Variants in KYAT3 observed in about 807,000 individuals in gnomAD.
The protein encoded by KYAT3 is kynurenine aminotransferase 3.
In KYAT3, 50 loss-of-function variants were observed where a neutral mutation model predicts 59.0. That is an observed-to-expected ratio of 0.85 (90% confidence interval 0.68 to 1.07). KYAT3 has a LOEUF of 1.07. Among genes scored for constraint, KYAT3 ranks in the 50% least tolerant of loss-of-function variants. The pLI, the probability that KYAT3 is intolerant of heterozygous loss-of-function variation, is 0.00. For synonymous variants in KYAT3, 148 were observed against 177.0 expected (o/e 0.84, Z 1.30); for missense variants, 497 against 533.3 (o/e 0.93, Z 0.67).
At chr1:88,976,143 G>C (rs2101067341) in intron 2 of KYAT3, among the ~76,000 whole-genome samples, 1 of 152,222 alleles carries the variant, frequency 6.6e-6, no homozygotes, top group African/African-American at 2.4e-5. Flanking sequence ...CGGATCACAA[G>C]GTCAGGAGTT....
chr1:88,983,266 T>C (rs1677208271), intron 2 of KYAT3: 1 of 1,613,608 alleles, frequency 6.2e-7, no homozygotes, highest in Non-Finnish European at 8.5e-7. Context: ...CATAACTATC[T>C]CTTCCACGTG....
chr1:88,941,531 A>AT (rs5776007), intron 13 of KYAT3, among the ~76,000 whole-genome samples: 66,032 of 146,216 alleles, frequency 0.45, 15,385 homozygotes, highest in South Asian at 0.68. Context: ...CTAGGCTGTT[A>AT]TTTTTTTTTT....
chr1:88,941,423 AAGG>A (rs779747363), intron 13 of KYAT3, among the ~76,000 whole-genome samples: 1 of 152,248 alleles, frequency 6.6e-6, no homozygotes, highest in Non-Finnish European at 1.5e-5. Context: ...CCTTTTAAAA[AAGG>A]AGAAGTTTGA....
chr1:88,966,730 GTACAC>G lies in KYAT3; in HGVS notation c.304-1757_304-1753del, dbSNP rs200236477. On this transcript the variant is annotated intron_variant, in intron 4 of 13. Coordinates refer to ENST00000260508, the MANE Select transcript of KYAT3 (RefSeq NM_001008661.3). Reference sequence around the variant, plus strand: ...TATCTTTATATCTCACAGGACTCCAGTACACTGATGAATAACAATGGTCAGAGTGG... The same window carrying G: ...TATCTTTATATCTCACAGGACTCCAGTGATGAATAACAATGGTCAGAGTGG... Among the ~76,000 whole-genome samples the G allele has an allele frequency of 1.3e-4, 20 of 152,098 alleles. No individual in the cohort carries two copies. In the East Asian group the frequency reaches 3.9e-3, roughly 29 times the overall value.
At chr1:88,949,480 C>G (rs1262397639) in intron 10 of KYAT3, among the ~76,000 whole-genome samples, 1 of 152,146 alleles carries the variant, frequency 6.6e-6, no homozygotes, top group Non-Finnish European at 1.5e-5. Flanking sequence ...GATTAAATCT[C>G]ATGTGAAGAA....
intron 8 of KYAT3, among the ~76,000 whole-genome samples, chr1:88,958,229 A>G (rs1019472726): frequency 2.6e-5 from 4 of 152,120 alleles, no homozygotes; most frequent in Admixed American, 2.0e-4. Context: ...GCTCCTCTCC[A>G]TATTTACCCT....
At chr1:88,963,812 A>G (rs1676237399) in intron 5 of KYAT3, among the ~76,000 whole-genome samples, 1 of 152,248 alleles carries the variant, frequency 6.6e-6, no homozygotes, top group Non-Finnish European at 1.5e-5. Context: ...TTGGAATGCT[A>G]ATGGGAAATA....
intron 10 of KYAT3, among the ~76,000 whole-genome samples, chr1:88,952,107 G>A (rs1166376013): frequency 6.6e-6 from 1 of 152,278 alleles, no homozygotes; most frequent in South Asian, 2.1e-4. Flanking sequence ...CTGAAGAACC[G>A]TAGGATAATA....
At chr1:88,957,074 G>C (rs1030032731) in intron 8 of KYAT3, among the ~76,000 whole-genome samples, 13 of 152,228 alleles carry the variant, frequency 8.5e-5, no homozygotes, top group African/African-American at 3.1e-4. Context: ...TAAAATGTAA[G>C]GCAGCTACAG....
chr1:88,950,060 C>T (rs2101028133), intron 10 of KYAT3, among the ~76,000 whole-genome samples: 1 of 152,268 alleles, frequency 6.6e-6, no homozygotes, highest in African/African-American at 2.4e-5. Context: ...TTGCTCCTTC[C>T]ACCATGTAAG....
At chr1:88,921,521 G>A in the KYAT3 span, among the ~76,000 whole-genome samples, 1 of 152,124 alleles carries the variant, frequency 6.6e-6, no homozygotes, top group Non-Finnish European at 1.5e-5. Flanking sequence ...ACAGTGTGAA[G>A]TCTATATGTC....
intron 3 of KYAT3, among the ~76,000 whole-genome samples, chr1:88,969,017 TC>T (rs1400149415): frequency 1.3e-5 from 2 of 152,176 alleles, no homozygotes; most frequent in Non-Finnish European, 2.9e-5. Flanking sequence ...GAACCCAATG[TC>T]CCTTACAAAC....
intron 2 of KYAT3, among the ~76,000 whole-genome samples, chr1:88,971,867 T>C (rs770316906): frequency 1.6e-4 from 24 of 152,180 alleles, no homozygotes; most frequent in Non-Finnish European, 1.8e-4. Context: ...CAGCAAGTCA[T>C]CACTTAAAAG....
At chr1:88,973,047 T>C (rs760583411) in intron 2 of KYAT3, among the ~76,000 whole-genome samples, 2 of 152,212 alleles carry the variant, frequency 1.3e-5, no homozygotes, top group Admixed American at 6.5e-5. Context: ...CCTAATCCAA[T>C]ATGACTGGTG....
At chr1:88,961,552 T>C (rs1676147441) in intron 6 of KYAT3, 46 bp from the exon 7 acceptor site, 1 of 1,528,064 alleles carries the variant, frequency 6.5e-7, no homozygotes, top group South Asian at 1.2e-5. Context: ...TTAAGTCATG[T>C]TTACTGTCTT....
chr1:88,985,222 G>A lies in KYAT3; in HGVS notation c.99+3030C>T, dbSNP rs189169442. On this transcript the variant is annotated intron_variant, in intron 2 of 13. Coordinates refer to ENST00000260508, the MANE Select transcript of KYAT3 (RefSeq NM_001008661.3). ...TCAAGCCAAGACCTTGGAAGAGTGA[G>A]TAAGTGAAGGGAGTGCGTGAGTATT... Among the ~76,000 whole-genome samples, 7 of 152,320 alleles carry A rather than the reference G, an allele frequency of 4.6e-5. No homozygotes were observed. The East Asian group carries it at 1.4e-3, about 29-fold the overall frequency.
At chr1:88,949,641 T>A (rs1440557130) in intron 10 of KYAT3, among the ~76,000 whole-genome samples, 2 of 152,204 alleles carry the variant, frequency 1.3e-5, no homozygotes, top group Non-Finnish European at 2.9e-5. Flanking sequence ...CAGAGAGTAG[T>A]CAGCCTCTCA....
At chr1:88,971,220 A>C (rs1367831239) in intron 2 of KYAT3, among the ~76,000 whole-genome samples, 1 of 152,246 alleles carries the variant, frequency 6.6e-6, no homozygotes, top group African/African-American at 2.4e-5. Context: ...TAATTTAGAC[A>C]CAAAATCCAA....
Position 88,949,240 on chromosome 1 carries a change from C to A in KYAT3, c.992G>T (p.Arg331Leu). ...LAQAFWIDIK[R>L]MDDPECYFNS... is the part of the protein sequence containing the mutation. ...AAAGTAACATTCTGGGTCATCCATG[C>A]GCTTGATGTCAATCCAGAAAGCTTG... Residue 331 changes from arginine to leucine, a missense_variant, in exon 11 of 14, where the codon CGC becomes CTC. By Grantham distance (102) the Arg-to-Leu change is moderately radical (BLOSUM62 -2). Transcript: ENST00000260508. 1 of 1,579,452 alleles carries A rather than the reference C, an allele frequency of 6.3e-7. No homozygotes were observed. The highest frequency in any genetic ancestry group is 1.7e-4 in the Middle Eastern group (1 of 5,898).
Sources: allele counts gnomAD v4.1 joint callset (sites outside exome capture counted in the v4.1 genomes callset), GRCh38; gene constraint gnomAD v4.1.1; transcripts MANE v1.5; gene names NCBI Gene and HGNC (gene_info 2026-07-23, HGNC 2026-07-21).